The following TRMT9B variants were observed in gnomAD, a reference collection of about 807,000 sequenced individuals.
TRMT9B encodes the protein probable tRNA methyltransferase 9B.
A neutral mutation model predicts 11.5 loss-of-function variants in TRMT9B; 16 were observed. The observed-to-expected ratio is 1.39, with a 90% confidence interval of 0.94 to 2.11. TRMT9B has a LOEUF of 2.11. TRMT9B is among the 30% of genes most tolerant of loss of function. The probability of loss-of-function intolerance (pLI) is 0.00; values close to 1 mark genes in which losing one functional copy is unlikely to be tolerated. For synonymous variants in TRMT9B, 274 were observed against 192.4 expected (o/e 1.42, Z -3.51); for missense variants, 941 against 553.8 (o/e 1.70, Z -7.02).
chr8:12,989,026 T>G (rs1806839670), intron 1 of TRMT9B, among the ~76,000 whole-genome samples: 1 of 152,172 alleles, frequency 6.6e-6, no homozygotes, highest in South Asian at 2.1e-4. Context: ...TGCCAGAGAT[T>G]CAGTTAATAT....
At chr8:12,976,331 A>G (rs1212765678) in intron 1 of TRMT9B, among the ~76,000 whole-genome samples, 1 of 151,822 alleles carries the variant, frequency 6.6e-6, no homozygotes, top group Non-Finnish European at 1.5e-5. Flanking sequence ...TGAGGAAGAC[A>G]TGGTAGGATT....
At chr8:12,957,630 C>T (rs978962121) in intron 1 of TRMT9B, among the ~76,000 whole-genome samples, 1 of 152,092 alleles carries the variant, frequency 6.6e-6, no homozygotes, top group African/African-American at 2.4e-5. Context: ...ACTGATTGCC[C>T]TGAATACAGA....
intron 4 of TRMT9B, among the ~76,000 whole-genome samples, chr8:13,017,414 A>T (rs1468390932): frequency 6.6e-6 from 1 of 152,134 alleles, no homozygotes; most frequent in African/African-American, 2.4e-5. Flanking sequence ...ATTGAGTACT[A>T]CTTTTGCCTT....
chr8:12,971,563 A>G (rs1182091937), intron 1 of TRMT9B, among the ~76,000 whole-genome samples: 1 of 152,228 alleles, frequency 6.6e-6, no homozygotes, highest in Non-Finnish European at 1.5e-5. Flanking sequence ...TACAGTTGAC[A>G]TTAAAAAGTA....
intron 1 of TRMT9B, among the ~76,000 whole-genome samples, chr8:12,955,489 C>T (rs554428558): frequency 4.2e-4 from 64 of 152,110 alleles, no homozygotes; most frequent in Admixed American, 7.2e-4. Flanking sequence ...GTTAATATGT[C>T]TCGGCATCAA....
chr8:12,991,592 C>A (rs1439547284), intron 2 of TRMT9B, among the ~76,000 whole-genome samples: 4 of 152,088 alleles, frequency 2.6e-5, no homozygotes, highest in African/African-American at 9.7e-5. Flanking sequence ...ATTTGTATTT[C>A]TTTTTAGTTA....
At position 13,012,834 on chromosome 8, in the gene TRMT9B, T is replaced by A. The variant is rs781261346; in HGVS notation, c.305T>A (p.Phe102Tyr). 1 of 1,613,882 alleles carries A rather than the reference T, an allele frequency of 6.2e-7. No individual in the cohort carries two copies. The highest frequency in any genetic ancestry group is 8.5e-7 in the Non-Finnish European group (1 of 1,179,858). ...AATCTCCCCTTTAGGGATGAGGGCT[T>A]CGATGCCATCATCTCCATAGGAGGT... is the stretch of plus-strand genomic sequence containing the variant. ...NLNLPFRDEG[F>Y]DAIISIGVIH... Residue 102 changes from phenylalanine to tyrosine, a missense_variant, in exon 4 of 5, where the codon TTC (phenylalanine) becomes TAC (tyrosine). Phe to Tyr is a conservative substitution (Grantham distance 22). Transcript: ENST00000524591.
chr8:12,955,032 T>G (rs549017864), intron 1 of TRMT9B, among the ~76,000 whole-genome samples: 4 of 152,184 alleles, frequency 2.6e-5, no homozygotes, highest in Non-Finnish European at 5.9e-5. Flanking sequence ...GAGGGGTTTA[T>G]AATAAGAAGT....
Position 13,029,308 on chromosome 8 carries a change from G to C in TRMT9B, c.*7264G>C, listed in dbSNP as rs1020453767. Reference sequence around the variant, plus strand: ...CAAAAACTTTTTTCTACAATGTACAGTTATTTTGACTTTTCCCAGGGGAAG... The same window carrying C: ...CAAAAACTTTTTTCTACAATGTACACTTATTTTGACTTTTCCCAGGGGAAG... On this transcript the variant is annotated 3_prime_UTR_variant, in exon 5 of 5. Coordinates refer to ENST00000524591, the MANE Select transcript of TRMT9B (RefSeq NM_020844.3). 1.2e-5 allele frequency: 2 copies of C among 167,134 alleles called. No homozygotes were observed. Among genetic ancestry groups the C allele is most frequent in the Middle Eastern group, 3.4e-3 (1 of 296 alleles). 10.4% of individuals were successfully genotyped at this position (167,134 alleles called of 1,614,324 possible).
intron 3 of TRMT9B, among the ~76,000 whole-genome samples, chr8:13,009,331 T>C (rs1173976778): frequency 6.6e-6 from 1 of 150,788 alleles, no homozygotes; most frequent in African/African-American, 2.4e-5. Flanking sequence ...GGAATTAAAT[T>C]CAAAGGAAAA....
At chr8:13,013,481 G>A (rs1383697483) in intron 4 of TRMT9B, among the ~76,000 whole-genome samples, 1 of 152,094 alleles carries the variant, frequency 6.6e-6, no homozygotes, top group Admixed American at 6.6e-5. Flanking sequence ...AAAATGGGGG[G>A]AAAAAATCCA....
chr8:13,004,046 G>C (rs543028728), intron 2 of TRMT9B, among the ~76,000 whole-genome samples: 3 of 152,026 alleles, frequency 2.0e-5, no homozygotes, highest in African/African-American at 7.2e-5. Context: ...GTGCTGCCCT[G>C]TCACAGTAGA....
rs1804543951 is a variant in TRMT9B, at chr8:12,976,885, CA to C, written c.-199-13947del. On this transcript the variant is annotated intron_variant, in intron 1 of 4. Transcript: ENST00000524591. ...GCAGGCAAAGGACAAAGCCATTGTT[CA>C]ACCCAGACCTATCTGGGAGGGAGTT... Among the ~76,000 whole-genome samples the C allele has an allele frequency of 2.0e-5, 3 of 152,234 alleles. No individual in the cohort carries two copies. The South Asian group carries it at 6.2e-4, about 32-fold the overall frequency.
At chr8:12,987,756 C>A (rs566993602) in intron 1 of TRMT9B, among the ~76,000 whole-genome samples, 1 of 152,254 alleles carries the variant, frequency 6.6e-6, no homozygotes, top group African/African-American at 2.4e-5. Context: ...CCCTAGCCTA[C>A]CTTAAACGTG....
At chr8:12,990,534 G>A (rs1363316848) in intron 1 of TRMT9B, among the ~76,000 whole-genome samples, 1 of 152,088 alleles carries the variant, frequency 6.6e-6, no homozygotes, top group Non-Finnish European at 1.5e-5. Flanking sequence ...ATTTAATTAA[G>A]CCCCTGGAAT....
chr8:12,972,436 A>G (rs375370163), intron 1 of TRMT9B, among the ~76,000 whole-genome samples: 132 of 152,254 alleles, frequency 8.7e-4, no homozygotes, highest in African/African-American at 3.0e-3. Flanking sequence ...AGTCCTGGGA[A>G]AGTGAAAGAA....
intron 1 of TRMT9B, among the ~76,000 whole-genome samples, chr8:12,985,490 C>T (rs1429039952): frequency 6.6e-6 from 1 of 152,186 alleles, no homozygotes; most frequent in African/African-American, 2.4e-5. Context: ...ATATTGCTTG[C>T]TGTCTATACT....
Position 12,984,947 on chromosome 8 carries a change from C to G in TRMT9B, c.-199-5887C>G, listed in dbSNP as rs534085298. Among the ~76,000 whole-genome samples the G allele has an allele frequency of 5.8e-4, 79 of 136,880 alleles. No individual in the cohort carries two copies. The South Asian group carries it at 0.018, about 31-fold the overall frequency. 89.8% of individuals were successfully genotyped at this position (136,880 alleles called of 152,430 possible). A position where few individuals can be genotyped will look rare whatever the true frequency, so the allele number is the denominator to read the frequency against. On this transcript the variant is annotated intron_variant, in intron 1 of 4. Transcript: ENST00000524591. ...GCATTATCCTCTTACAACCACCTCC[C>G]TCAACATACACACACACACACACAC...
intron 3 of TRMT9B, chr8:13,012,426 T>G (rs559636969): frequency 5.9e-4 from 271 of 459,100 alleles, no homozygotes; most frequent in African/African-American, 5.5e-3. Context: ...AAATACAAAA[T>G]TATCCGGTCA....
Sources: gnomAD v4.1 joint callset for allele counts (sites outside exome capture counted in the v4.1 genomes callset) on GRCh38, gnomAD v4.1.1 for gene constraint, MANE v1.5 for transcripts, NCBI Gene and HGNC (gene_info 2026-07-23, HGNC 2026-07-21) for gene names.